Variants in CACNA2D3 observed in about 807,000 individuals in gnomAD.
CACNA2D3 encodes calcium voltage-gated channel auxiliary subunit alpha2delta 3.
A neutral mutation model predicts 160.6 loss-of-function variants in CACNA2D3; 60 were observed. The observed-to-expected ratio is 0.37, with a 90% CI of 0.30 to 0.46. The LOEUF (loss-of-function observed/expected upper bound fraction) is 0.46, where lower values mean the gene tolerates loss of function less well. Among genes scored for constraint, CACNA2D3 ranks in the 20% least tolerant of loss-of-function variants. The pLI is 1.00. For synonymous variants in CACNA2D3, 558 were observed against 492.9 expected (o/e 1.13, Z -1.75); for missense variants, 1,205 against 1,365.0 (o/e 0.88, Z 1.85).
At chr3:54,262,114 A>AC (rs748840313) in intron 2 of CACNA2D3, among the ~76,000 whole-genome samples, 10 of 152,104 alleles carry the variant, frequency 6.6e-5, no homozygotes, top group Non-Finnish European at 1.2e-4. Flanking sequence ...CGTTCCCAGA[A>AC]CCCACGACAG....
At chr3:54,789,167 A>G (rs188918093) in intron 13 of CACNA2D3, among the ~76,000 whole-genome samples, 2 of 152,328 alleles carry the variant, frequency 1.3e-5, no homozygotes, top group Admixed American at 1.3e-4. Context: ...ATAAATATAT[A>G]ACAGTCTTAT....
chr3:54,802,548 C>A (rs1703016188), intron 13 of CACNA2D3, among the ~76,000 whole-genome samples: 1 of 152,122 alleles, frequency 6.6e-6, no homozygotes, highest in African/African-American at 2.4e-5. Context: ...CAAATAAAAT[C>A]TAGTTGTGAT....
At chr3:54,871,223 A>ACC (rs140137047) in intron 17 of CACNA2D3, among the ~76,000 whole-genome samples, 29 of 144,078 alleles carry the variant, frequency 2.0e-4, no homozygotes, top group Admixed American at 4.1e-4. Flanking sequence ...ACACACACAC[A>ACC]CCCCCCATTC....
At chr3:54,785,472 G>A (rs1438536239) in intron 13 of CACNA2D3, among the ~76,000 whole-genome samples, 1 of 152,066 alleles carries the variant, frequency 6.6e-6, no homozygotes, top group Non-Finnish European at 1.5e-5. Context: ...TGGTAGAGGA[G>A]GCTGTCATCC....
intron 31 of CACNA2D3, among the ~76,000 whole-genome samples, chr3:55,002,255 A>G (rs1265045612): frequency 1.3e-5 from 2 of 152,012 alleles, no homozygotes; most frequent in South Asian, 2.1e-4. Context: ...CTCCAAGCAC[A>G]TGCACATTCC....
chr3:54,752,879 T>G (rs1163675364), intron 12 of CACNA2D3, among the ~76,000 whole-genome samples: 1 of 147,810 alleles, frequency 6.8e-6, no homozygotes, highest in Non-Finnish European at 1.5e-5. Flanking sequence ...TTTTTTTTTG[T>G]GGACAGAATC....
chr3:54,591,276 C>G (rs1431200946), intron 9 of CACNA2D3, among the ~76,000 whole-genome samples: 1 of 152,212 alleles, frequency 6.6e-6, no homozygotes, highest in African/African-American at 2.4e-5. Flanking sequence ...CCCCAGCTAT[C>G]TCCTCTAGGT....
chr3:54,895,214 A>G (rs890320175), intron 25 of CACNA2D3, among the ~76,000 whole-genome samples: 2 of 152,200 alleles, frequency 1.3e-5, no homozygotes, highest in Non-Finnish European at 2.9e-5. Context: ...TTTTGAAGAT[A>G]TAGGAAATTG....
chr3:54,476,203 A>G (rs1413067561), intron 4 of CACNA2D3, among the ~76,000 whole-genome samples: 3 of 148,724 alleles, frequency 2.0e-5, no homozygotes, highest in Non-Finnish European at 4.5e-5. Flanking sequence ...AATAATATTC[A>G]TATATATGAA....
intron 27 of CACNA2D3, among the ~76,000 whole-genome samples, chr3:54,940,407 G>A (rs547857266): frequency 6.6e-6 from 1 of 152,272 alleles, no homozygotes; most frequent in Admixed American, 6.5e-5. Flanking sequence ...CTGCCTCGGT[G>A]CCTAATGCTG....
rs79086541 is a variant in CACNA2D3 at position 54,433,639 on chromosome 3, G to A, written c.381+46865G>A. The stretch of plus-strand genomic sequence containing the variant: ...GAGCGTAGGAAGACTTTGAAAGATG[G>A]GAGAAGACAGACGGCCTGCGGACCT... On this transcript the variant is annotated intron_variant, in intron 4 of 37. Coordinates refer to ENST00000474759, the MANE Select transcript of CACNA2D3 (RefSeq NM_018398.3). Among the ~76,000 whole-genome samples, 305 of 152,230 alleles carry A rather than the reference G, an allele frequency of 2.0e-3. 12 individuals are homozygous for A. In the East Asian group the frequency reaches 0.054, roughly 27 times the overall value.
chr3:54,603,070 G>A (rs1703093657), intron 9 of CACNA2D3, among the ~76,000 whole-genome samples: 2 of 152,202 alleles, frequency 1.3e-5, no homozygotes, highest in South Asian at 2.1e-4. Flanking sequence ...CAACAAATGT[G>A]TGGAAAGAAG....
chr3:54,450,817 C>A (rs570500782), intron 4 of CACNA2D3, among the ~76,000 whole-genome samples: 11 of 152,154 alleles, frequency 7.2e-5, no homozygotes, highest in African/African-American at 2.7e-4. Context: ...TCAAAAGGTC[C>A]CACATCTCAT....
chr3:54,615,314 C>CAAAT (rs369161406), intron 9 of CACNA2D3, among the ~76,000 whole-genome samples: 13 of 151,998 alleles, frequency 8.6e-5, no homozygotes, highest in African/African-American at 2.4e-4. Context: ...AAGTAAATAC[C>CAAAT]AAATAAATAA....
At chr3:55,034,883 G>A (rs191927593) in intron 35 of CACNA2D3, among the ~76,000 whole-genome samples, 2 of 152,004 alleles carry the variant, frequency 1.3e-5, no homozygotes, top group African/African-American at 4.8e-5. Context: ...ACTCTTTCAA[G>A]TATCAATTCC....
intron 27 of CACNA2D3, among the ~76,000 whole-genome samples, chr3:54,932,810 G>A (rs1456080448): frequency 6.6e-6 from 1 of 152,222 alleles, no homozygotes; most frequent in Non-Finnish European, 1.5e-5. Flanking sequence ...GCGATCTAAT[G>A]CCAGGGAAGG....
Position 54,984,592 on chromosome 3 carries a change from T to TGTTTTTG in CACNA2D3, c.2557-16_2557-15insGTTTTTG, listed in dbSNP as rs56055307. ...GAAGCTGTTTTTTTGTTTTTGTTTTTTTTTTAATTTTCTAGACTGTGAATT... is the reference window on the plus strand; with the variant it reads ...GAAGCTGTTTTTTTGTTTTTGTTTTTGTTTTTGTTTTTAATTTTCTAGACTGTGAATT... On this transcript the variant is annotated splice_polypyrimidine_tract_variant and intron_variant, in intron 29 of 37. Transcript: ENST00000474759. 5.4e-6 allele frequency: 8 copies of TGTTTTTG among 1,486,016 alleles called. No homozygotes were observed. The Admixed American group carries it at 1.4e-4, about 27-fold the overall frequency. 92.1% of individuals were successfully genotyped at this position (1,486,016 alleles called of 1,614,324 possible). A position where few individuals can be genotyped will look rare whatever the true frequency, so the allele number is the denominator to read the frequency against.
intron 9 of CACNA2D3, among the ~76,000 whole-genome samples, chr3:54,618,374 T>TATATATATACACAC: frequency 2.4e-4 from 13 of 54,560 alleles, no homozygotes; most frequent in South Asian, 1.4e-3. Flanking sequence ...TATATATATA[T>TATATATATACACAC]GCACACACAC....
intron 4 of CACNA2D3, among the ~76,000 whole-genome samples, chr3:54,417,480 G>A (rs879475001): frequency 1.8e-4 from 27 of 152,078 alleles, no homozygotes; most frequent in Non-Finnish European, 3.7e-4. Flanking sequence ...AATTATCTGA[G>A]TCTTTAAGAT....
Sources: gnomAD v4.1 joint callset for allele counts (sites outside exome capture counted in the v4.1 genomes callset) on GRCh38, gnomAD v4.1.1 for gene constraint, MANE v1.5 for transcripts, NCBI Gene and HGNC (gene_info 2026-07-23, HGNC 2026-07-21) for gene names.